Variants in PCDHGA6 observed in about 807,000 individuals in gnomAD.
PCDHGA6 encodes the protein protocadherin gamma subfamily A, 6.
Under a neutral mutation model 60.6 loss-of-function variants are expected in PCDHGA6, and 41 were observed. The ratio of observed to expected loss-of-function variants is 0.68; its 90% CI spans 0.53 to 0.88. PCDHGA6 has a LOEUF of 0.88. PCDHGA6 is among the 40% of genes least tolerant of loss of function. The pLI is 0.00. For synonymous variants in PCDHGA6, 594 were observed against 524.4 expected (o/e 1.13, Z -1.81); for missense variants, 1,312 against 1,203.0 (o/e 1.09, Z -1.34).
chr5:141,489,151 A>G lies in PCDHGA6; in HGVS notation c.2425-5656A>G. On this transcript the variant is annotated intron_variant, in intron 1 of 3. Transcript: ENST00000517434. This position sits in a 1 kb window ranked among gnomAD's most constrained non-coding sequence, Gnocchi z 4.5. ...TTTTTAAGAGGCTGGAAGGAGACAT[A>G]AGAGACTTCAGCTGCTGCATTCCAA... is the stretch of plus-strand genomic sequence containing the variant. The G allele has an allele frequency of 4.3e-6, 4 of 932,968 alleles. No individual in the cohort carries two copies. Among genetic ancestry groups the G allele is most frequent in the Non-Finnish European group, 6.4e-6 (4 of 622,052 alleles). 57.8% of individuals were successfully genotyped at this position (932,968 alleles called of 1,614,324 possible).
rs1589320809 is a variant in PCDHGA6, at chr5:141,398,163, G to A, written c.2424+21656G>A. 6 of 1,482,244 alleles carry A rather than the reference G, an allele frequency of 4.0e-6. No homozygotes were observed. The Admixed American group carries it at 1.0e-4, about 26-fold the overall frequency. The allele number at this position is 1,482,244 out of a possible 1,614,324, so 91.8% of individuals were successfully genotyped here. A position where few individuals can be genotyped will look rare whatever the true frequency, so the allele number is the denominator to read the frequency against. Reference sequence around the variant, plus strand: ...GCGCCGGGGAGCTGGGCCGGGCTGAGAGGCTGCCAGTGCTCTTTCTCTTCC... The same window carrying A: ...GCGCCGGGGAGCTGGGCCGGGCTGAAAGGCTGCCAGTGCTCTTTCTCTTCC... On this transcript the variant is annotated intron_variant, in intron 1 of 3. Transcript: ENST00000517434.
intron 1 of PCDHGA6, chr5:141,399,778 C>A (rs187080333): frequency 6.2e-7 from 1 of 1,613,250 alleles, no homozygotes; most frequent in African/African-American, 1.3e-5. Context: ...GGTGGGCGAC[C>A]GAAACGACAA....
At chr5:141,474,106 A>G (rs1334111464) in intron 1 of PCDHGA6, among the ~76,000 whole-genome samples, 1 of 152,108 alleles carries the variant, frequency 6.6e-6, no homozygotes, top group African/African-American at 2.4e-5. Flanking sequence ...CAACAAAAAC[A>G]ACAACAACGA....
rs765392169 is a variant in PCDHGA6 at position 141,376,273 on chromosome 5, T to C, written c.2190T>C (p.Gly730=). 1.5e-5 allele frequency: 25 copies of C among 1,613,968 alleles called. No homozygotes were observed. Among genetic ancestry groups the C allele is most frequent in the Non-Finnish European group, 1.9e-5 (23 of 1,180,018 alleles). ...CACGCCTGCTGCAGGCTTCGGGAGG[T>C]GGCTTAGCGAGCATGCCCGGCTCGC... ...HKSRLLQASG[G]GLASMPGSHF... Residue 730 remains glycine, a synonymous_variant, in exon 1 of 4, where the codon GGT becomes GGC. Coordinates refer to ENST00000517434, the MANE Select transcript of PCDHGA6 (RefSeq NM_018919.3).
At chr5:141,399,335 A>G in intron 1 of PCDHGA6, 3 of 1,613,978 alleles carry the variant, frequency 1.9e-6, no homozygotes, top group Non-Finnish European at 2.5e-6. Flanking sequence ...TTGGTAACAG[A>G]TGGAACCCTA....
At chr5:141,445,490 C>A (rs1181158971) in intron 1 of PCDHGA6, among the ~76,000 whole-genome samples, 1 of 152,134 alleles carries the variant, frequency 6.6e-6, no homozygotes, top group African/African-American at 2.4e-5. Flanking sequence ...AGTTAATGGG[C>A]CCTATTCTAA....
In PCDHGA6 at chr5:141,476,628, C is replaced by T. The variant is rs899753438; in HGVS notation, c.2425-18179C>T. 6.2e-6 allele frequency: 10 copies of T among 1,614,160 alleles called. No individual in the cohort carries two copies. The highest frequency in any genetic ancestry group is 7.6e-6 in the Non-Finnish European group (9 of 1,180,068). On this transcript the variant is annotated intron_variant, in intron 1 of 3. Coordinates refer to ENST00000517434, the MANE Select transcript of PCDHGA6 (RefSeq NM_018919.3). The surrounding 1 kb of genome is among the most constrained non-coding windows in gnomAD (Gnocchi z 7.6). ...GATGTGGGAAGCAACTCTTTACAAACCTATGAGCTGAGCCGAAATGAATAC... is the reference window on the plus strand; with the variant it reads ...GATGTGGGAAGCAACTCTTTACAAATCTATGAGCTGAGCCGAAATGAATAC...
intron 1 of PCDHGA6, among the ~76,000 whole-genome samples, chr5:141,444,162 T>A: frequency 8.4e-6 from 1 of 119,238 alleles, no homozygotes. Flanking sequence ...ATTTTTTTTT[T>A]TTTTTTTTTT....
In PCDHGA6 at chr5:141,376,256, C is replaced by T. The variant is rs576537938; in HGVS notation, c.2173C>T (p.Leu725=). ...RLQRWHKSRL[L]QASGGGLASM... ...GCAGCGCTGGCACAAGTCACGCCTG[C>T]TGCAGGCTTCGGGAGGTGGCTTAGC... The change falls in exon 1 of 4, where the codon CTG becomes TTG. Residue 725 remains leucine (L), a synonymous_variant. Transcript: ENST00000517434. 8 of 1,614,228 alleles carry T rather than the reference C, an allele frequency of 5.0e-6. No homozygotes were observed. The East Asian group carries it at 1.8e-4, about 36-fold the overall frequency.
intron 1 of PCDHGA6, chr5:141,403,102 G>A (rs765706858): frequency 9.3e-6 from 15 of 1,613,928 alleles, no homozygotes; most frequent in Non-Finnish European, 1.3e-5. Flanking sequence ...ACATCTCCAA[G>A]GACCTGGCTC....
In PCDHGA6 at chr5:141,375,369, C is replaced by T. The variant is rs759826011; in HGVS notation, c.1286C>T (p.Thr429Ile). 1 of 1,613,892 alleles carries T rather than the reference C, an allele frequency of 6.2e-7. No individual in the cohort carries two copies. The highest frequency in any genetic ancestry group is 1.1e-5 in the South Asian group (1 of 91,084). The part of the protein sequence containing the change: ...NITVTATDKG[T>I]PPLSTETIIS... ...ACTGTGACAGCCACGGACAAAGGAA[C>T]ACCACCTCTGTCTACAGAAACAATC... Residue 429 changes from threonine to isoleucine, a missense_variant, in exon 1 of 4, where the codon ACA becomes ATA. Physicochemically the swap from Thr to Ile is moderately conservative, Grantham distance 89. Transcript: ENST00000517434.
intron 1 of PCDHGA6, chr5:141,403,018 G>A (rs752656852): frequency 9.3e-6 from 15 of 1,613,966 alleles, no homozygotes; most frequent in South Asian, 1.1e-5. Context: ...TCCTGGGGAT[G>A]CTATGGGAGG....
At position 141,487,465 on chromosome 5, in the gene PCDHGA6, T is replaced by C. The variant is rs1354086784; in HGVS notation, c.2425-7342T>C. 1.9e-6 allele frequency: 3 copies of C among 1,614,194 alleles called. No individual in the cohort carries two copies. The highest frequency in any genetic ancestry group is 1.7e-6 in the Non-Finnish European group (2 of 1,180,020). Reference sequence around the variant, plus strand: ...CAGATGACCCTATCAAGTTTGTTGATGTGGGAGGCCACTCTCATGGCTGTA... The same window carrying C: ...CAGATGACCCTATCAAGTTTGTTGACGTGGGAGGCCACTCTCATGGCTGTA... On this transcript the variant is annotated intron_variant, in intron 1 of 3. Transcript: ENST00000517434. The surrounding 1 kb of genome is among the most constrained non-coding windows in gnomAD (Gnocchi z 5.0).
chr5:141,384,402 GTCC>G lies in PCDHGA6; in HGVS notation c.2424+7900_2424+7902del, dbSNP rs781624552. ...AAGACACCATCCAGGGGGCTCCAGTGTCCTCCTATGTCTCCATAAACTCTGACA... is the reference window on the plus strand; with the variant it reads ...AAGACACCATCCAGGGGGCTCCAGTGTCCTATGTCTCCATAAACTCTGACA... On this transcript the variant is annotated intron_variant, in intron 1 of 3. Coordinates refer to ENST00000517434, the MANE Select transcript of PCDHGA6 (RefSeq NM_018919.3). The G allele has an allele frequency of 1.8e-5, 29 of 1,613,830 alleles. No homozygotes were observed. The African/African-American group carries it at 2.4e-4, about 13-fold the overall frequency.
Position 141,389,309 on chromosome 5 carries a change from T to G in PCDHGA6, c.2424+12802T>G, listed in dbSNP as rs763262842. Reference sequence around the variant, plus strand: ...CCTCTATTTCACAAGTCAGGGCTTCTGATCCGGACTTGGGGCCCAACGGCC... The same window carrying G: ...CCTCTATTTCACAAGTCAGGGCTTCGGATCCGGACTTGGGGCCCAACGGCC... On this transcript the variant is annotated intron_variant, in intron 1 of 3. Transcript: ENST00000517434. 8 of 1,614,018 alleles carry G rather than the reference T, an allele frequency of 5.0e-6. No individual in the cohort carries two copies. The South Asian group carries it at 5.5e-5, about 11-fold the overall frequency.
At chr5:141,430,752 A>C (rs772436100) in intron 1 of PCDHGA6, 1 of 1,501,400 alleles carries the variant, frequency 6.7e-7, no homozygotes, top group East Asian at 2.3e-5. Context: ...TTCTGGAGGA[A>C]GATAAGAATG....
intron 1 of PCDHGA6, among the ~76,000 whole-genome samples, chr5:141,448,344 A>G (rs2098583423): frequency 6.6e-6 from 1 of 152,080 alleles, no homozygotes; most frequent in Admixed American, 6.6e-5. Flanking sequence ...CATGTACCTC[A>G]ATCTTAGTAG....
At position 141,491,794 on chromosome 5, in the gene PCDHGA6, TC is replaced by T; in HGVS notation, c.2425-3011del. On this transcript the variant is annotated intron_variant, in intron 1 of 3. Transcript: ENST00000517434. This position sits in a 1 kb window ranked among gnomAD's most constrained non-coding sequence, Gnocchi z 6.9. ...GGGATTGAACTTGCATCCACTCCTC[TC>T]CGGCCGGCTTGGTCGCTGGCTGCGC... is the stretch of plus-strand genomic sequence containing the variant. The T allele has an allele frequency of 6.6e-7, 1 of 1,511,056 alleles. No individual in the cohort carries two copies. The highest frequency in any genetic ancestry group is 8.8e-7 in the Non-Finnish European group (1 of 1,130,146). The allele number at this position is 1,511,056 out of a possible 1,614,324, so 93.6% of individuals were successfully genotyped here.
intron 1 of PCDHGA6, chr5:141,392,937 G>A: frequency 6.2e-7 from 1 of 1,613,948 alleles, no homozygotes; most frequent in Admixed American, 1.7e-5. Context: ...GACGGACAAA[G>A]GCTCCTTCGT....
Sources: gnomAD v4.1 joint callset for allele counts (sites outside exome capture counted in the v4.1 genomes callset) on GRCh38, gnomAD v4.1.1 for gene constraint, Gnocchi (gnomAD v3.1) non-coding constraint, MANE v1.5 for transcripts, NCBI Gene and HGNC (gene_info 2026-07-23, HGNC 2026-07-21) for gene names.